HHLA2: variants seen among roughly 807,000 people sequenced by gnomAD.
HHLA2 encodes HHLA2 member of B7 family.
Under a neutral mutation model 45.9 loss-of-function variants are expected in HHLA2, and 48 were observed. The observed-to-expected ratio is 1.05, with a 90% CI of 0.83 to 1.33. HHLA2 has a LOEUF of 1.33. HHLA2 is among the 40% of genes most tolerant of loss of function. The pLI is 0.00. For missense variants in HHLA2, 462 were observed against 494.3 expected (o/e 0.93, Z 0.62); for synonymous variants, 161 against 173.9 (o/e 0.93, Z 0.59).
At chr3:108,332,579 A>C (rs2081404964) in intron 3 of HHLA2, among the ~76,000 whole-genome samples, 1 of 152,182 alleles carries the variant, frequency 6.6e-6, no homozygotes, top group Non-Finnish European at 1.5e-5. Context: ...ATAGACTCAA[A>C]CTGGAGTGTG....
At chr3:108,369,706 C>T (rs937909825) in intron 8 of HHLA2, among the ~76,000 whole-genome samples, 7 of 152,184 alleles carry the variant, frequency 4.6e-5, no homozygotes, top group East Asian at 3.9e-4. Context: ...CACGGAGTCT[C>T]GCTCATTGCT....
chr3:108,331,700 C>T (rs1368614029), intron 3 of HHLA2, among the ~76,000 whole-genome samples: 1 of 152,124 alleles, frequency 6.6e-6, no homozygotes, highest in Non-Finnish European at 1.5e-5. Flanking sequence ...GAATGACAAG[C>T]ACACCCATTT....
chr3:108,377,026 G>GT, intron 10 of HHLA2: 2 of 487,138 alleles, frequency 4.1e-6, no homozygotes, highest in South Asian at 7.1e-5. Flanking sequence ...TGGTAAACTT[G>GT]TTTTTTCCAC....
chr3:108,299,321 G>GAA lies in HHLA2; in HGVS notation c.-192+2727_-192+2728dup, dbSNP rs79516048. Among the ~76,000 whole-genome samples the GAA allele has an allele frequency of 7.7e-3, 1,148 of 148,528 alleles. 14 individuals carry two copies. The highest frequency in any genetic ancestry group is 0.026 in the African/African-American group (1,050 of 40,708). On this transcript the variant is annotated intron_variant, in intron 1 of 10. Coordinates refer to ENST00000619531, the Ensembl canonical transcript of HHLA2. ...TTAAATCACTTTTGTAAAAGACCCAGAAAAAATATATATATATAATCATAT... is the reference window on the plus strand; with the variant it reads ...TTAAATCACTTTTGTAAAAGACCCAGAAAAAAAATATATATATATAATCATAT...
intron 7 of HHLA2, among the ~76,000 whole-genome samples, chr3:108,358,643 A>T (rs143977862): frequency 1.7e-3 from 258 of 152,282 alleles, no homozygotes; most frequent in Non-Finnish European, 2.2e-3. Context: ...GTTCATTTTT[A>T]CCTCTGTTGA....
At chr3:108,357,590 G>A (rs765547823) in intron 6 of HHLA2, among the ~76,000 whole-genome samples, 3 of 152,238 alleles carry the variant, frequency 2.0e-5, no homozygotes, top group Non-Finnish European at 4.4e-5. Flanking sequence ...GTTAAAACAA[G>A]TATATCACCC....
intron 3 of HHLA2, among the ~76,000 whole-genome samples, chr3:108,339,573 A>ATATATAAT (rs569425343): frequency 6.6e-6 from 1 of 151,858 alleles, no homozygotes. Context: ...ATATATATAT[A>ATATATAAT]TGTAATGCAT....
In HHLA2 at chr3:108,352,633, G is replaced by A. The variant is rs148683293; in HGVS notation, c.64+756G>A. 1.1e-3 allele frequency among the ~76,000 whole-genome samples: 165 copies of A among 152,296 alleles called. 1 individual carries two copies. The highest frequency in any genetic ancestry group is 2.1e-3 in the Non-Finnish European group (140 of 68,018). On this transcript the variant is annotated intron_variant, in intron 4 of 10. Coordinates refer to ENST00000619531, the Ensembl canonical transcript of HHLA2. ...GTTAGATTACCTCCTTCAATGATAG[G>A]AAGTGTCTGGGTATATTTTCTTTGC...
intron 2 of HHLA2, among the ~76,000 whole-genome samples, chr3:108,317,254 T>G (rs2081118069): frequency 6.6e-6 from 1 of 152,246 alleles, no homozygotes; most frequent in Non-Finnish European, 1.5e-5. Flanking sequence ...TAGAAGTGGA[T>G]ATACGGTGTG....
At chr3:108,335,815 G>A (rs2081462953) in intron 3 of HHLA2, among the ~76,000 whole-genome samples, 1 of 151,780 alleles carries the variant, frequency 6.6e-6, no homozygotes, top group Non-Finnish European at 1.5e-5. Context: ...AGTAGTGATA[G>A]GGGCTTTGTA....
chr3:108,327,377 T>C (rs1222583338), intron 2 of HHLA2, among the ~76,000 whole-genome samples: 1 of 152,174 alleles, frequency 6.6e-6, no homozygotes, highest in African/African-American at 2.4e-5. Flanking sequence ...TTTTGGAAAA[T>C]TGTCCTTCAT....
intron 2 of HHLA2, among the ~76,000 whole-genome samples, chr3:108,324,970 T>C (rs1294643953): frequency 6.6e-6 from 1 of 152,210 alleles, no homozygotes; most frequent in Non-Finnish European, 1.5e-5. Context: ...ATACTTTTCA[T>C]GGGCAATGAA....
chr3:108,300,317 G>T (rs2080829368), intron 1 of HHLA2, among the ~76,000 whole-genome samples: 1 of 152,140 alleles, frequency 6.6e-6, no homozygotes, highest in Admixed American at 6.6e-5. Flanking sequence ...AGGACAACCT[G>T]CCATGGGGTT....
chr3:108,377,982 C>T (rs2082303958), exon 11 of HHLA2: 1 of 152,194 alleles, frequency 6.6e-6, no homozygotes, highest in Non-Finnish European at 1.5e-5. Flanking sequence ...TAACTGATGA[C>T]ATTCCACCAT....
At chr3:108,354,254 A>G (rs1349560701) in intron 5 of HHLA2, among the ~76,000 whole-genome samples, 4 of 152,116 alleles carry the variant, frequency 2.6e-5, no homozygotes, top group Admixed American at 6.6e-5. Flanking sequence ...TTAGCTATAT[A>G]TAACACTATA....
At chr3:108,343,381 T>A (rs948893793) in intron 3 of HHLA2, among the ~76,000 whole-genome samples, 5 of 152,196 alleles carry the variant, frequency 3.3e-5, no homozygotes, top group Non-Finnish European at 7.4e-5. Context: ...CTGAACTGCA[T>A]ACATAGAACT....
intron 8 of HHLA2, among the ~76,000 whole-genome samples, chr3:108,375,137 A>ATTAG (rs1378607192): frequency 2.0e-5 from 3 of 152,048 alleles, no homozygotes; most frequent in South Asian, 2.1e-4. Context: ...ACACCATGGA[A>ATTAG]TACTATGCAG....
intron 8 of HHLA2, among the ~76,000 whole-genome samples, chr3:108,372,692 A>G (rs2082201208): frequency 6.6e-6 from 1 of 152,396 alleles, no homozygotes; most frequent in South Asian, 2.1e-4. Context: ...AGAGAATACT[A>G]TAAACACCTC....
At chr3:108,363,325 A>C (rs1408532884) in intron 8 of HHLA2, among the ~76,000 whole-genome samples, 1 of 152,140 alleles carries the variant, frequency 6.6e-6, no homozygotes, top group Non-Finnish European at 1.5e-5. Flanking sequence ...TAATATCACC[A>C]AGCCAGCTAA....
Sources: allele counts gnomAD v4.1 joint callset (sites outside exome capture counted in the v4.1 genomes callset), GRCh38; gene constraint gnomAD v4.1.1; transcripts MANE v1.5; gene names NCBI Gene and HGNC (gene_info 2026-07-23, HGNC 2026-07-21).